The following SLC35F1 variants were observed in gnomAD, a reference collection of about 807,000 sequenced individuals.
The protein encoded by SLC35F1 is chromosome 6 open reading frame 169.
Under a neutral mutation model 48.7 loss-of-function variants are expected in SLC35F1, and 14 were observed. That is an observed-to-expected ratio of 0.29 (90% CI 0.19 to 0.45). The LOEUF (loss-of-function observed/expected upper bound fraction) is 0.45, where lower values mean the gene tolerates loss of function less well. Ranked by LOEUF, SLC35F1 falls within the 20% of genes least tolerant of loss-of-function variation. The pLI, the probability that SLC35F1 is intolerant of heterozygous loss-of-function variation, is 1.00. For synonymous variants in SLC35F1, 190 were observed against 202.2 expected, an observed-to-expected ratio of 0.94 and a Z score of 0.51; for missense variants, 404 against 500.0, an observed-to-expected ratio of 0.81 and a Z score of 1.83.
intron 1 of SLC35F1, among the ~76,000 whole-genome samples, chr6:118,087,349 C>G (rs2114335089): frequency 6.6e-6 from 1 of 152,164 alleles, no homozygotes; most frequent in Middle Eastern, 3.4e-3. Context: ...ATGCTAGCTC[C>G]AAGTATAGTC....
intron 1 of SLC35F1, among the ~76,000 whole-genome samples, chr6:117,929,712 C>T (rs1481664181): frequency 6.6e-6 from 1 of 152,050 alleles, no homozygotes; most frequent in Admixed American, 6.6e-5. Context: ...CCCATATTAT[C>T]AAGGGTTATC....
chr6:118,028,753 A>T (rs903064631), intron 1 of SLC35F1, among the ~76,000 whole-genome samples: 1 of 152,132 alleles, frequency 6.6e-6, no homozygotes, highest in African/African-American at 2.4e-5. Flanking sequence ...CAGGGAAAAT[A>T]GTACGTCCCA....
chr6:118,264,884 CATT>C (rs1434564370), intron 3 of SLC35F1, among the ~76,000 whole-genome samples: 1 of 152,230 alleles, frequency 6.6e-6, no homozygotes, highest in Non-Finnish European at 1.5e-5. Context: ...ATTACCACAT[CATT>C]AACTCACATT....
At chr6:118,102,381 G>A (rs1773270826) in intron 1 of SLC35F1, among the ~76,000 whole-genome samples, 1 of 152,086 alleles carries the variant, frequency 6.6e-6, no homozygotes, top group Admixed American at 6.6e-5. Context: ...ACAGGTTCTT[G>A]CTGTGTTGCC....
At chr6:118,144,951 C>A (rs1773949681) in intron 1 of SLC35F1, among the ~76,000 whole-genome samples, 1 of 151,824 alleles carries the variant, frequency 6.6e-6, no homozygotes, top group East Asian at 1.9e-4. Flanking sequence ...TTTTTAATAA[C>A]AAATTTGTTG....
chr6:117,916,814 A>C lies in SLC35F1; in HGVS notation c.173+8915A>C, dbSNP rs1775831757. On this transcript the variant is annotated intron_variant, in intron 1 of 7. Coordinates refer to ENST00000360388, the MANE Select transcript of SLC35F1 (RefSeq NM_001029858.4). ...GGGTCCCAACATGAGTGGCCAGACC[A>C]CTGATACAGCTTCACCTCAAGCTCT... 3.4e-5 allele frequency among the ~76,000 whole-genome samples: 5 copies of C among 148,422 alleles called. No individual in the cohort carries two copies. In the South Asian group the frequency reaches 1.2e-3, roughly 35 times the overall value.
intron 1 of SLC35F1, among the ~76,000 whole-genome samples, chr6:118,142,275 A>G (rs1773901887): frequency 6.6e-6 from 1 of 152,138 alleles, no homozygotes; most frequent in Non-Finnish European, 1.5e-5. Context: ...TTTAATGTAT[A>G]TATTTAAGGT....
At chr6:118,277,384 G>C (rs1283571440) in intron 5 of SLC35F1, 110 bp from the exon 6 acceptor site, 5 of 960,696 alleles carry the variant, frequency 5.2e-6, no homozygotes, top group Non-Finnish European at 8.1e-6. Context: ...AAATTCATCT[G>C]GTTGCTTCAT....
intron 1 of SLC35F1, among the ~76,000 whole-genome samples, chr6:117,959,463 T>C (rs1776467275): frequency 6.6e-6 from 1 of 152,142 alleles, no homozygotes; most frequent in Admixed American, 6.5e-5. Flanking sequence ...AAAATCTCTG[T>C]CTGTAGGGCC....
intron 1 of SLC35F1, among the ~76,000 whole-genome samples, chr6:117,922,519 G>A (rs751305104): frequency 3.3e-5 from 5 of 152,194 alleles, no homozygotes; most frequent in Non-Finnish European, 7.3e-5. Flanking sequence ...TTATTTGTAT[G>A]TATTCATGGA....
At chr6:118,188,731 A>T (rs181848459) in intron 2 of SLC35F1, among the ~76,000 whole-genome samples, 3 of 152,312 alleles carry the variant, frequency 2.0e-5, no homozygotes, top group Admixed American at 2.0e-4. Context: ...TCATTAACAG[A>T]CACTTACGTT....
At chr6:118,085,639 A>C (rs4557559) in intron 1 of SLC35F1, among the ~76,000 whole-genome samples, 140,849 of 151,286 alleles carry the variant, frequency 0.93, 66,195 homozygotes, top group East Asian at 1. Context: ...CCACCACCAG[A>C]CTACAGTTTT....
At chr6:118,185,031 C>A (rs1305639661) in intron 2 of SLC35F1, among the ~76,000 whole-genome samples, 2 of 152,130 alleles carry the variant, frequency 1.3e-5, no homozygotes, top group Non-Finnish European at 2.9e-5. Context: ...CTTGGCAGCT[C>A]CTGATGCCAC....
intron 7 of SLC35F1, among the ~76,000 whole-genome samples, chr6:118,305,656 C>T (rs1296707474): frequency 6.6e-6 from 1 of 152,090 alleles, no homozygotes; most frequent in East Asian, 1.9e-4. Context: ...TCCTTCATAT[C>T]CTTTAATATT....
intron 1 of SLC35F1, among the ~76,000 whole-genome samples, chr6:118,003,189 C>G (rs1323126344): frequency 2.0e-5 from 3 of 152,206 alleles, no homozygotes; most frequent in African/African-American, 4.8e-5. Flanking sequence ...TATGTGGGCT[C>G]TCAAGGCTCC....
intron 3 of SLC35F1, among the ~76,000 whole-genome samples, chr6:118,260,999 A>C (rs1226123535): frequency 6.6e-6 from 1 of 152,232 alleles, no homozygotes; most frequent in Non-Finnish European, 1.5e-5. Flanking sequence ...GGATGAGGCC[A>C]ACTGGCACTT....
chr6:118,099,390 G>A (rs930800213), intron 1 of SLC35F1, among the ~76,000 whole-genome samples: 6 of 152,188 alleles, frequency 3.9e-5, no homozygotes, highest in African/African-American at 1.4e-4. Flanking sequence ...ACAGCTGTCA[G>A]CTATGGAAGG....
intron 3 of SLC35F1, among the ~76,000 whole-genome samples, chr6:118,240,873 A>C (rs763060336): frequency 6.6e-6 from 1 of 152,198 alleles, no homozygotes; most frequent in Non-Finnish European, 1.5e-5. Flanking sequence ...AGAGTGGCAC[A>C]AGATGGCGAG....
chr6:118,067,008 T>C (rs1449069674), intron 1 of SLC35F1, among the ~76,000 whole-genome samples: 1 of 152,154 alleles, frequency 6.6e-6, no homozygotes, highest in Non-Finnish European at 1.5e-5. Flanking sequence ...TGTTTAACAT[T>C]GCTCTTTGAG....
Sources: gnomAD v4.1 joint callset for allele counts (sites outside exome capture counted in the v4.1 genomes callset) on GRCh38, gnomAD v4.1.1 for gene constraint, MANE v1.5 for transcripts, NCBI Gene and HGNC (gene_info 2026-07-23, HGNC 2026-07-21) for gene names.